The following REXO1 variants were observed in gnomAD, a reference collection of about 807,000 sequenced individuals.
REXO1 encodes RNA exonuclease 1 homolog, also known as REX1, RNA exonuclease 1 homolog.
In REXO1, 42 loss-of-function variants were observed where a neutral mutation model predicts 102.6. The observed-to-expected ratio is 0.41, with a 90% CI of 0.32 to 0.53. REXO1 has a LOEUF of 0.53. Among genes scored for constraint, REXO1 ranks in the 20% least tolerant of loss-of-function variants. The pLI is 0.27. For synonymous variants in REXO1, 908 were observed against 779.1 expected, an observed-to-expected ratio of 1.17 and a Z score of -2.76; for missense variants, 1,819 against 1,732.5, an observed-to-expected ratio of 1.05 and a Z score of -0.89.
At chr19:1,817,431 C>A (rs1156287576) in intron 11 of REXO1, 102 bp from the exon 12 acceptor site, 4 of 1,526,138 alleles carry the variant, frequency 2.6e-6, no homozygotes, top group Non-Finnish European at 3.5e-6. Flanking sequence ...TCCTATCCAT[C>A]CATCACGCCC....
intron 1 of REXO1, among the ~76,000 whole-genome samples, chr19:1,838,120 G>C (rs1038747438): frequency 6.6e-6 from 1 of 152,086 alleles, no homozygotes; most frequent in Non-Finnish European, 1.5e-5. Context: ...AGGAGTTTGA[G>C]ACCAGCCTGG....
At chr19:1,841,415 G>A (rs777233407) in intron 1 of REXO1, among the ~76,000 whole-genome samples, 2 of 152,292 alleles carry the variant, frequency 1.3e-5, no homozygotes, top group East Asian at 1.9e-4. Flanking sequence ...GAGTTTTCTC[G>A]TCAAAGTGAG....
intron 1 of REXO1, among the ~76,000 whole-genome samples, chr19:1,846,654 C>T (rs560756238): frequency 2.0e-5 from 3 of 152,218 alleles, no homozygotes; most frequent in East Asian, 3.9e-4. Flanking sequence ...TTTGGGAGGC[C>T]GAAGCAGGAG....
chr19:1,823,677 G>A lies in REXO1; in HGVS notation c.2125C>T (p.Leu709=). The A allele has an allele frequency of 1.5e-6, 2 of 1,291,562 alleles. No individual in the cohort carries two copies. The highest frequency in any genetic ancestry group is 6.0e-5 in the South Asian group (2 of 33,420). The allele number at this position is 1,291,562 out of a possible 1,614,324, so 80.0% of individuals were successfully genotyped here. A position where few individuals can be genotyped will look rare whatever the true frequency, so the allele number is the denominator to read the frequency against. ...TCTGCCAGCCTGGCGGGGGCCTGCA[G>A]CAAGCTCGCCGATGCCCTCTGCGCC... ...QQAQRASASL[L]QAPARLAEKS... Residue 709 remains leucine, a synonymous_variant, in exon 4 of 16, where the codon CTG becomes TTG. Coordinates refer to ENST00000170168, the MANE Select transcript of REXO1 (RefSeq NM_020695.4).
chr19:1,840,040 T>C (rs2011214760), intron 1 of REXO1, among the ~76,000 whole-genome samples: 1 of 152,148 alleles, frequency 6.6e-6, no homozygotes, highest in African/African-American at 2.4e-5. Flanking sequence ...AAATGGACTG[T>C]GACCCGTGAC....
At chr19:1,838,888 T>G (rs2011183717) in intron 1 of REXO1, among the ~76,000 whole-genome samples, 1 of 151,418 alleles carries the variant, frequency 6.6e-6, no homozygotes, top group East Asian at 2.0e-4. Context: ...AGGACAAGGC[T>G]GGTGGATCTC....
intron 1 of REXO1, among the ~76,000 whole-genome samples, chr19:1,832,484 G>A (rs1374870310): frequency 6.6e-6 from 1 of 152,270 alleles, no homozygotes; most frequent in Non-Finnish European, 1.5e-5. Flanking sequence ...GGACCCGGAG[G>A]CTGCAGAGGA....
At chr19:1,844,634 G>A (rs375993400) in intron 1 of REXO1, among the ~76,000 whole-genome samples, 3 of 152,262 alleles carry the variant, frequency 2.0e-5, no homozygotes, top group East Asian at 1.9e-4. Flanking sequence ...CTGGAGAGTC[G>A]CCTGGAGCCC....
intron 1 of REXO1, among the ~76,000 whole-genome samples, chr19:1,840,701 C>T (rs1210881221): frequency 6.6e-6 from 1 of 152,034 alleles, no homozygotes; most frequent in Non-Finnish European, 1.5e-5. Context: ...CCCTGCAACT[C>T]CAAGTGACAG....
chr19:1,836,850 T>A (rs2070054430), intron 1 of REXO1, among the ~76,000 whole-genome samples: 1 of 151,618 alleles, frequency 6.6e-6, no homozygotes, highest in South Asian at 2.1e-4. Flanking sequence ...TCAGCAGGAC[T>A]GGCCCCTCCA....
chr19:1,838,992 C>T (rs1298463801), intron 1 of REXO1, among the ~76,000 whole-genome samples: 2 of 152,176 alleles, frequency 1.3e-5, no homozygotes, highest in African/African-American at 4.8e-5. Flanking sequence ...CGGTGGCTCA[C>T]GCCTATAATC....
intron 1 of REXO1, among the ~76,000 whole-genome samples, chr19:1,839,917 C>T (rs1057060325): frequency 6.6e-6 from 1 of 152,236 alleles, no homozygotes; most frequent in Non-Finnish European, 1.5e-5. Context: ...GGCCCACTTC[C>T]ATGGCTTCCA....
chr19:1,847,049 G>C (rs970344513), intron 1 of REXO1, among the ~76,000 whole-genome samples: 4 of 152,200 alleles, frequency 2.6e-5, no homozygotes, highest in Non-Finnish European at 5.9e-5. Context: ...TGTAGGCACA[G>C]CTGTCGGCAG....
At chr19:1,829,560 A>G (rs1329421336) in intron 1 of REXO1, among the ~76,000 whole-genome samples, 1 of 152,124 alleles carries the variant, frequency 6.6e-6, no homozygotes, top group East Asian at 1.9e-4. Context: ...TGTAATCCCA[A>G]CATTTTGGGA....
intron 1 of REXO1, among the ~76,000 whole-genome samples, chr19:1,844,685 C>A (rs2011455407): frequency 6.6e-6 from 1 of 152,246 alleles, no homozygotes; most frequent in Admixed American, 6.5e-5. Context: ...GAACCACTGG[C>A]ACCGGGCTGC....
chr19:1,836,268 C>T (rs1460587035), intron 1 of REXO1, among the ~76,000 whole-genome samples: 1 of 152,196 alleles, frequency 6.6e-6, no homozygotes, highest in Non-Finnish European at 1.5e-5. Context: ...TCATGGAGCA[C>T]GAAGATCCCA....
intron 1 of REXO1, among the ~76,000 whole-genome samples, chr19:1,847,622 T>C (rs2011605737): frequency 6.6e-6 from 1 of 152,154 alleles, no homozygotes; most frequent in Non-Finnish European, 1.5e-5. Context: ...ACCAAAAGCA[T>C]GGAATTCCTC....
At chr19:1,821,422 G>A (rs2069536331) in intron 5 of REXO1, 97 bp downstream of exon 5, 2 of 1,449,554 alleles carry the variant, frequency 1.4e-6, no homozygotes, top group African/African-American at 2.8e-5. Context: ...AAGGCCCGCA[G>A]GGCAGGGGCG....
chr19:1,838,810 C>A (rs1235582575), intron 1 of REXO1, among the ~76,000 whole-genome samples: 2 of 151,884 alleles, frequency 1.3e-5, no homozygotes, highest in African/African-American at 4.8e-5. Flanking sequence ...ATGGTCCACA[C>A]AGAGTAAGTT....
Sources: gnomAD v4.1 joint callset for allele counts (sites outside exome capture counted in the v4.1 genomes callset) on GRCh38, gnomAD v4.1.1 for gene constraint, MANE v1.5 for transcripts, NCBI Gene and HGNC (gene_info 2026-07-23, HGNC 2026-07-21) for gene names.